Variants in IMMP2L observed in about 807,000 individuals in gnomAD.
IMMP2L encodes the protein inner mitochondrial membrane peptidase subunit 2, also known as mitochondrial inner membrane protease subunit 2.
IMMP2L carries 18 observed loss-of-function variants against 19.3 expected under a neutral mutation model. The observed-to-expected ratio is 0.93, with a 90% confidence interval of 0.64 to 1.38. The LOEUF (loss-of-function observed/expected upper bound fraction) is 1.38. IMMP2L is among the 40% of genes most tolerant of loss of function. The pLI is 0.00. For synonymous variants in IMMP2L, 76 were observed against 73.0 expected (o/e 1.04, Z -0.21); for missense variants, 233 against 218.2 (o/e 1.07, Z -0.43).
At chr7:111,173,691 C>G (rs1806707451) in intron 3 of IMMP2L, among the ~76,000 whole-genome samples, 1 of 151,608 alleles carries the variant, frequency 6.6e-6, no homozygotes, top group Admixed American at 6.6e-5. Flanking sequence ...CCTAGTAAAA[C>G]AGCAGATATA....
At chr7:110,917,854 A>C (rs569434588) in intron 4 of IMMP2L, among the ~76,000 whole-genome samples, 1 of 152,324 alleles carries the variant, frequency 6.6e-6, no homozygotes, top group South Asian at 2.1e-4. Flanking sequence ...AATTAATGAA[A>C]ATATTATAAA....
intron 5 of IMMP2L, among the ~76,000 whole-genome samples, chr7:110,843,521 A>G (rs969814272): frequency 2.0e-5 from 3 of 152,188 alleles, no homozygotes; most frequent in Non-Finnish European, 2.9e-5. Context: ...CTTGTCACTT[A>G]TTCGGTTATA....
chr7:110,949,165 T>G (rs1818619996), intron 4 of IMMP2L, among the ~76,000 whole-genome samples: 1 of 152,158 alleles, frequency 6.6e-6, no homozygotes, highest in South Asian at 2.1e-4. Flanking sequence ...CATAATCACA[T>G]GAGCCAATTC....
intron 1 of IMMP2L, among the ~76,000 whole-genome samples, chr7:111,556,008 C>CTGTGTG (rs149893305): frequency 1.6e-3 from 27 of 17,240 alleles, no homozygotes; most frequent in East Asian, 6.8e-3. Flanking sequence ...CATCCCTCTT[C>CTGTGTG]TGTGTGCATG....
At chr7:111,519,897 T>G (rs541176406) in intron 2 of IMMP2L, among the ~76,000 whole-genome samples, 3 of 152,164 alleles carry the variant, frequency 2.0e-5, no homozygotes, top group Admixed American at 2.0e-4. Context: ...CTTAAACTGA[T>G]TATTTGTTAC....
intron 5 of IMMP2L, among the ~76,000 whole-genome samples, chr7:110,697,602 A>G (rs1385884987): frequency 6.6e-6 from 1 of 152,128 alleles, no homozygotes; most frequent in Admixed American, 6.6e-5. Flanking sequence ...CAGGAGTTTG[A>G]GACCAGCCTG....
intron 3 of IMMP2L, among the ~76,000 whole-genome samples, chr7:111,341,741 C>G (rs1180398955): frequency 6.6e-6 from 1 of 152,040 alleles, no homozygotes; most frequent in East Asian, 1.9e-4. Context: ...ACGTGTCTTC[C>G]AAAAAGCAAG....
chr7:111,219,138 G>C (rs375142249), intron 3 of IMMP2L, among the ~76,000 whole-genome samples: 1 of 151,952 alleles, frequency 6.6e-6, no homozygotes, highest in Admixed American at 6.6e-5. Context: ...TAGCTGTTTA[G>C]CTGTTAACCA....
intron 3 of IMMP2L, among the ~76,000 whole-genome samples, chr7:111,120,591 G>A (rs966003344): frequency 1.3e-5 from 2 of 152,076 alleles, no homozygotes; most frequent in South Asian, 4.1e-4. Context: ...TTCATTGTTA[G>A]TAATGGAAGG....
chr7:111,067,342 G>C (rs1472235933), intron 3 of IMMP2L, among the ~76,000 whole-genome samples: 4 of 152,186 alleles, frequency 2.6e-5, no homozygotes, highest in African/African-American at 9.7e-5. Flanking sequence ...TCTCTGACCT[G>C]GGAAGCTGAC....
At chr7:110,689,708 CT>C (rs1028250622) in intron 5 of IMMP2L, among the ~76,000 whole-genome samples, 2 of 152,132 alleles carry the variant, frequency 1.3e-5, no homozygotes, top group African/African-American at 4.8e-5. Context: ...TCTGCTGCCC[CT>C]GTTTTATGAT....
chr7:110,963,224 CAAT>C, intron 4 of IMMP2L: 1 of 669,702 alleles, frequency 1.5e-6, no homozygotes, highest in Non-Finnish European at 2.4e-6. Flanking sequence ...AATATCTGAT[CAAT>C]AATGATTTAA....
chr7:110,876,098 T>A (rs909275193), intron 5 of IMMP2L, among the ~76,000 whole-genome samples: 1 of 152,154 alleles, frequency 6.6e-6, no homozygotes, highest in East Asian at 1.9e-4. Context: ...CCACAATGTG[T>A]TGATGTATTG....
At chr7:110,848,621 C>T (rs1274637484) in intron 5 of IMMP2L, among the ~76,000 whole-genome samples, 1 of 152,130 alleles carries the variant, frequency 6.6e-6, no homozygotes, top group African/African-American at 2.4e-5. Flanking sequence ...TTTATAGTAG[C>T]TTTATTCATA....
intron 3 of IMMP2L, among the ~76,000 whole-genome samples, chr7:111,389,065 G>T (rs1468204359): frequency 1.3e-5 from 2 of 152,130 alleles, no homozygotes; most frequent in African/African-American, 4.8e-5. Context: ...CTTTGGTAGC[G>T]CCAGGGCTGG....
chr7:111,531,314 G>C (rs1029027274), intron 1 of IMMP2L, among the ~76,000 whole-genome samples: 1 of 150,916 alleles, frequency 6.6e-6, no homozygotes, highest in South Asian at 2.1e-4. Flanking sequence ...CATCAATATG[G>C]ACATCTTCAT....
intron 1 of IMMP2L, among the ~76,000 whole-genome samples, chr7:111,524,875 A>G (rs1846689810): frequency 6.6e-6 from 1 of 152,112 alleles, no homozygotes; most frequent in Non-Finnish European, 1.5e-5. Flanking sequence ...TCTTTGCCCC[A>G]CTAAGGCAGT....
intron 3 of IMMP2L, among the ~76,000 whole-genome samples, chr7:111,044,351 G>T (rs891121812): frequency 3.3e-5 from 5 of 152,174 alleles, no homozygotes; most frequent in Non-Finnish European, 7.3e-5. Context: ...CCCGAGGTCA[G>T]GAGTTCAAGA....
intron 3 of IMMP2L, chr7:111,411,727 C>A: frequency 5.1e-6 from 1 of 196,300 alleles, no homozygotes; most frequent in South Asian, 9.1e-5. Flanking sequence ...TGCACATCCT[C>A]AGCCAGGAGT....
Sources: gnomAD v4.1 joint callset for allele counts (sites outside exome capture counted in the v4.1 genomes callset) on GRCh38, gnomAD v4.1.1 for gene constraint, MANE v1.5 for transcripts, NCBI Gene and HGNC (gene_info 2026-07-23, HGNC 2026-07-21) for gene names.